Variants in ZNF333 observed in about 807,000 individuals in gnomAD.
ZNF333 encodes the protein zinc finger protein 333.
ZNF333 carries 61 observed loss-of-function variants against 76.1 expected under a neutral mutation model. The ratio of observed to expected loss-of-function variants is 0.80; its 90% CI spans 0.65 to 0.99. ZNF333 has a LOEUF of 0.99. Ranked by LOEUF, ZNF333 falls within the 50% of genes least tolerant of loss-of-function variation. ZNF333 has a pLI of 0.00. For missense variants in ZNF333, 717 were observed against 822.4 expected (o/e 0.87, Z 1.57); for synonymous variants, 284 against 305.0 (o/e 0.93, Z 0.72).
chr19:14,695,718 G>A, intron 4 of ZNF333, 57 bp downstream of exon 4: 1 of 1,516,446 alleles, frequency 6.6e-7, no homozygotes. Context: ...GGTGTGCCTT[G>A]GGAAGTGTCA....
At chr19:14,697,357 CTTT>C (rs139125023) in intron 4 of ZNF333, among the ~76,000 whole-genome samples, 1 of 90,822 alleles carries the variant, frequency 1.1e-5, no homozygotes, top group Non-Finnish European at 2.2e-5. Flanking sequence ...TTTTTCTTTT[CTTT>C]TTTTTTTTTT....
rs1465874009 is a variant in ZNF333 at position 14,719,724 on chromosome 19, G to A, written c.*399G>A. On this transcript the variant is annotated 3_prime_UTR_variant, in exon 12 of 12. Coordinates refer to ENST00000292530, the MANE Select transcript of ZNF333 (RefSeq NM_032433.4). Reference sequence around the variant, plus strand: ...TGTTGGTTTCTAATTTAATTACATGGTGAGAAGAGTATGTGGCCTCTTTGT... The same window carrying A: ...TGTTGGTTTCTAATTTAATTACATGATGAGAAGAGTATGTGGCCTCTTTGT... The A allele has an allele frequency of 3.0e-6, 3 of 1,004,174 alleles. No homozygotes were observed. Among genetic ancestry groups the A allele is most frequent in the Non-Finnish European group, 3.6e-6 (3 of 841,970 alleles). 62.2% of individuals were successfully genotyped at this position (1,004,174 alleles called of 1,614,324 possible).
chr19:14,708,540 G>A (rs1419879111), intron 7 of ZNF333: 3 of 388,320 alleles, frequency 7.7e-6, no homozygotes, highest in African/African-American at 2.1e-5. Flanking sequence ...GCTTAGGCCA[G>A]GGTTTCTCAA....
intron 3 of ZNF333, 144 bp from the exon 4 acceptor site, chr19:14,695,422 C>G: frequency 1.2e-6 from 1 of 843,086 alleles, no homozygotes; most frequent in South Asian, 1.6e-5. Flanking sequence ...GGGCAAGATC[C>G]CTTTGCTACC....
chr19:14,695,711 G>A, intron 4 of ZNF333, 50 bp downstream of exon 4: 1 of 1,552,514 alleles, frequency 6.4e-7, no homozygotes, highest in African/African-American at 1.4e-5. Flanking sequence ...GTTGGGTGGT[G>A]TGCCTTGGGA....
At chr19:14,700,003 C>T (rs138421161) in intron 5 of ZNF333, among the ~76,000 whole-genome samples, 2 of 151,734 alleles carry the variant, frequency 1.3e-5, no homozygotes, top group African/African-American at 2.4e-5. Context: ...CCATCATTCA[C>T]CTCTTTTTTT....
intron 4 of ZNF333, among the ~76,000 whole-genome samples, chr19:14,698,019 T>G (rs937798013): frequency 6.6e-6 from 1 of 152,162 alleles, no homozygotes; most frequent in Non-Finnish European, 1.5e-5. Flanking sequence ...TTCCTATGAC[T>G]GCCAGAGTCC....
intron 6 of ZNF333, among the ~76,000 whole-genome samples, chr19:14,705,708 A>T (rs2042089968): frequency 6.6e-6 from 1 of 152,238 alleles, no homozygotes; most frequent in African/African-American, 2.4e-5. Context: ...AGCGGCGAGC[A>T]TCCATGCCTG....
intron 5 of ZNF333, among the ~76,000 whole-genome samples, chr19:14,701,317 GCTT>G (rs2041951283): frequency 6.6e-6 from 1 of 152,150 alleles, no homozygotes; most frequent in Admixed American, 6.5e-5. Context: ...GCTCCCTGTA[GCTT>G]TGAACTTATT....
At chr19:14,690,513 A>G (rs1009626167) in intron 1 of ZNF333, among the ~76,000 whole-genome samples, 3 of 152,240 alleles carry the variant, frequency 2.0e-5, no homozygotes, top group Non-Finnish European at 4.4e-5. Flanking sequence ...AGTATGCAAG[A>G]TAACTGCGAA....
chr19:14,725,572 A>G (rs773672663), downstream of ZNF333, among the ~76,000 whole-genome samples: 10 of 152,322 alleles, frequency 6.6e-5, no homozygotes, highest in Non-Finnish European at 1.5e-4. Context: ...CCAAGAGAAG[A>G]TGGTGGTATG....
At chr19:14,731,979 G>A (rs1380522546) in exon 12 of ZNF333, 1 of 152,126 alleles carries the variant, frequency 6.6e-6, no homozygotes, top group Non-Finnish European at 1.5e-5. Context: ...CCTTAAAGGG[G>A]CTGTGTGTCC....
rs1000783823 is a variant in ZNF333 at position 14,720,932 on chromosome 19, A to G, written c.*1607A>G. ...ATGTTTTGAAGCAATGAAATTAAAT[A>G]TAGATACTGACATTTTTTACATTTC... On this transcript the variant is annotated 3_prime_UTR_variant, in exon 12 of 12. Transcript: ENST00000292530. The G allele has an allele frequency of 1.3e-5, 12 of 891,200 alleles. No homozygotes were observed. In the South Asian group the frequency reaches 5.2e-4, roughly 39 times the overall value. The allele number at this position is 891,200 out of a possible 1,614,324, so 55.2% of individuals were successfully genotyped here.
At position 14,720,919 on chromosome 19, in the gene ZNF333, A is replaced by C. The variant is rs1192507973; in HGVS notation, c.*1594A>C. ...TACATACATATATATGTTTTGAAGC[A>C]ATGAAATTAAATATAGATACTGACA... On this transcript the variant is annotated 3_prime_UTR_variant, in exon 12 of 12. Coordinates refer to ENST00000292530, the MANE Select transcript of ZNF333 (RefSeq NM_032433.4). The C allele has an allele frequency of 3.4e-6, 3 of 880,972 alleles. No individual in the cohort carries two copies. The East Asian group carries it at 3.6e-4, about 106-fold the overall frequency. 54.6% of individuals were successfully genotyped at this position (880,972 alleles called of 1,614,324 possible).
At chr19:14,716,535 A>G (rs1446326614) in intron 9 of ZNF333, among the ~76,000 whole-genome samples, 3 of 152,176 alleles carry the variant, frequency 2.0e-5, no homozygotes, top group Admixed American at 1.3e-4. Context: ...CTGGGATTGC[A>G]GACATGAGCC....
In ZNF333 at chr19:14,720,643, A is replaced by G. The variant is rs1455931697; in HGVS notation, c.*1318A>G. The G allele has an allele frequency of 2.0e-6, 2 of 985,310 alleles. No individual in the cohort carries two copies. The highest frequency in any genetic ancestry group is 3.5e-5 in the African/African-American group (2 of 57,238). The allele number at this position is 985,310 out of a possible 1,614,324, so 61.0% of individuals were successfully genotyped here. A position where few individuals can be genotyped will look rare whatever the true frequency, so the allele number is the denominator to read the frequency against. ...TTTGGTGGGAGGTTTATTTCACCTG[A>G]ATATAATTCCTAACTGATGCACTTA... On this transcript the variant is annotated 3_prime_UTR_variant, in exon 12 of 12. Coordinates refer to ENST00000292530, the MANE Select transcript of ZNF333 (RefSeq NM_032433.4).
intron 8 of ZNF333, 83 bp from the exon 9 acceptor site, chr19:14,716,029 C>A (rs2042419055): frequency 1.9e-5 from 30 of 1,585,624 alleles, no homozygotes; most frequent in Non-Finnish European, 2.6e-5. Context: ...GTTTTCCCTT[C>A]CCCAGGCTTG....
chr19:14,718,284 T>C lies in ZNF333; in HGVS notation c.957T>C (p.Phe319=). 6.2e-7 allele frequency: 1 copy of C among 1,614,202 alleles called. No homozygotes were observed. The highest frequency in any genetic ancestry group is 8.5e-7 in the Non-Finnish European group (1 of 1,180,034). The stretch of plus-strand genomic sequence containing the variant: ...AATATAATGAACTTGAGAAACCTTT[T>C]AACAGCATTGAACCACTTTTCCAGT... ...LYKYNELEKP[F]NSIEPLFQYQ... is the part of the protein sequence containing the mutation. The change falls in exon 12 of 12, where the codon TTT becomes TTC. Residue 319 remains phenylalanine (F), a synonymous_variant. Transcript: ENST00000292530.
chr19:14,728,580 C>G (rs1350159542), intron 11 of ZNF333, among the ~76,000 whole-genome samples: 1 of 152,194 alleles, frequency 6.6e-6, no homozygotes, highest in Non-Finnish European at 1.5e-5. Context: ...TGAAGCCACT[C>G]ATCTCAAACA....
Sources: allele counts gnomAD v4.1 joint callset (sites outside exome capture counted in the v4.1 genomes callset), GRCh38; gene constraint gnomAD v4.1.1; transcripts MANE v1.5; gene names NCBI Gene and HGNC (gene_info 2026-07-23, HGNC 2026-07-21).